The following REDIC1 variants were observed in gnomAD, a reference collection of about 807,000 sequenced individuals.
The protein encoded by REDIC1 is HEI10 Interacting Protein 1.
chr12:39,679,001 G>A, the REDIC1 span, among the ~76,000 whole-genome samples: 5 of 152,048 alleles, frequency 3.3e-5, no homozygotes, highest in Non-Finnish European at 7.4e-5. Context: ...TATACTGAAT[G>A]GGGGAAAGTT....
the REDIC1 span, among the ~76,000 whole-genome samples, chr12:39,890,103 T>G: frequency 6.6e-6 from 1 of 152,172 alleles, no homozygotes. Context: ...AATACCAGTC[T>G]ATATTACTCT....
chr12:39,895,369 A>T, the REDIC1 span, among the ~76,000 whole-genome samples: 2 of 151,026 alleles, frequency 1.3e-5, no homozygotes, highest in Non-Finnish European at 3.0e-5. Context: ...AGGCACCTGT[A>T]GTCCCAGCTA....
chr12:39,828,521 T>C, the REDIC1 span, among the ~76,000 whole-genome samples: 1 of 152,116 alleles, frequency 6.6e-6, no homozygotes, highest in Non-Finnish European at 1.5e-5. Flanking sequence ...CCAAAACTCC[T>C]GCTTTGAGGC....
chr12:39,833,287 A>T, the REDIC1 span, among the ~76,000 whole-genome samples: 1 of 152,212 alleles, frequency 6.6e-6, no homozygotes, highest in East Asian at 1.9e-4. Flanking sequence ...GCCCTTTTAA[A>T]GTTTGCTGAT....
the REDIC1 span, among the ~76,000 whole-genome samples, chr12:39,712,017 T>TATGTATAC: frequency 2.6e-5 from 1 of 39,164 alleles, no homozygotes; most frequent in African/African-American, 6.9e-5. Flanking sequence ...TACCTACCTG[T>TATGTATAC]ATGTATATAT....
chr12:39,627,891 C>T, the REDIC1 span, among the ~76,000 whole-genome samples: 1 of 152,024 alleles, frequency 6.6e-6, no homozygotes, highest in Admixed American at 6.6e-5. Context: ...AGAAATGTTA[C>T]ATATGGTTTT....
the REDIC1 span, among the ~76,000 whole-genome samples, chr12:39,712,808 C>T: frequency 5.3e-5 from 3 of 56,656 alleles, no homozygotes; most frequent in African/African-American, 1.4e-4. Context: ...TATGTGTATA[C>T]TCGTATACAT....
the REDIC1 span, among the ~76,000 whole-genome samples, chr12:39,782,380 G>A: frequency 6.6e-6 from 1 of 152,116 alleles, no homozygotes; most frequent in Non-Finnish European, 1.5e-5. Flanking sequence ...GTAATAGTGA[G>A]TAAGTGTCAC....
the REDIC1 span, among the ~76,000 whole-genome samples, chr12:39,875,889 A>G: frequency 6.6e-6 from 1 of 152,222 alleles, no homozygotes; most frequent in Non-Finnish European, 1.5e-5. Context: ...CTAAACCTTT[A>G]TGCAGTAGTT....
the REDIC1 span, among the ~76,000 whole-genome samples, chr12:39,895,518 AT>A: frequency 9.8e-4 from 1 of 1,018 alleles, no homozygotes; most frequent in African/African-American, 2.1e-3. Flanking sequence ...AAAAAATTAT[AT>A]ATATATATAT....
chr12:39,654,393 C>A, the REDIC1 span, among the ~76,000 whole-genome samples: 1 of 152,018 alleles, frequency 6.6e-6, no homozygotes, highest in Admixed American at 6.6e-5. Flanking sequence ...CGAGATCATC[C>A]TGACTAACAC....
At chr12:39,766,426 T>C in the REDIC1 span, among the ~76,000 whole-genome samples, 1 of 152,054 alleles carries the variant, frequency 6.6e-6, no homozygotes, top group African/African-American at 2.4e-5. Context: ...ATGCTAACGA[T>C]CATCTGCACC....
At chr12:39,893,760 C>T in the REDIC1 span, among the ~76,000 whole-genome samples, 1 of 152,154 alleles carries the variant, frequency 6.6e-6, no homozygotes, top group Admixed American at 6.5e-5. Context: ...TCAAGTTATT[C>T]ATTAACTAAA....
chr12:39,854,732 T>C, the REDIC1 span, among the ~76,000 whole-genome samples: 1 of 152,216 alleles, frequency 6.6e-6, no homozygotes, highest in African/African-American at 2.4e-5. Context: ...TGACCTAGTA[T>C]CCAAGGCCTT....
chr12:39,716,867 A>G, the REDIC1 span: 19 of 1,434,078 alleles, frequency 1.3e-5, 1 homozygote, highest in South Asian at 2.4e-4. Context: ...ACTTATTAAT[A>G]CATGCTATAT....
the REDIC1 span, among the ~76,000 whole-genome samples, chr12:39,630,259 A>G: frequency 6.6e-6 from 1 of 152,256 alleles, no homozygotes; most frequent in Admixed American, 6.5e-5. Flanking sequence ...TTTGGTCTGC[A>G]AAATGCTATT....
chr12:39,769,233 T>C, the REDIC1 span, among the ~76,000 whole-genome samples: 2 of 152,160 alleles, frequency 1.3e-5, no homozygotes, highest in Admixed American at 6.5e-5. Context: ...ATTGCCTCAA[T>C]TAATTAAAAT....
At chr12:39,858,859 GC>G in the REDIC1 span, among the ~76,000 whole-genome samples, 2 of 152,126 alleles carry the variant, frequency 1.3e-5, no homozygotes, top group Non-Finnish European at 2.9e-5. Context: ...ACCCGCTTTG[GC>G]CTCCCAAAGT....
chr12:39,784,359 A>G, the REDIC1 span, among the ~76,000 whole-genome samples: 6 of 152,220 alleles, frequency 3.9e-5, no homozygotes, highest in African/African-American at 1.4e-4. Flanking sequence ...ACAGCATGGT[A>G]CTGGTACCAA....
Sources: allele counts gnomAD v4.1 joint callset (sites outside exome capture counted in the v4.1 genomes callset), GRCh38; gene constraint gnomAD v4.1.1; transcripts MANE v1.5; gene names NCBI Gene and HGNC (gene_info 2026-07-23, HGNC 2026-07-21).